CD70: variants seen among roughly 807,000 people sequenced by gnomAD.
CD70 encodes the protein CD70 molecule.
CD70 carries 6 observed loss-of-function variants against 9.0 expected under a neutral mutation model. That is an observed-to-expected ratio of 0.67 (90% CI 0.37 to 1.32). CD70 has a LOEUF of 1.32. CD70 is among the 40% of genes most tolerant of loss of function. The pLI is 0.02. For synonymous variants in CD70, 108 were observed against 112.3 expected (o/e 0.96, Z 0.24); for missense variants, 235 against 258.7 (o/e 0.91, Z 0.63).
intron 2 of CD70, 35 bp from the exon 3 acceptor site, chr19:6,586,440 A>G (rs1168628609): frequency 6.4e-7 from 1 of 1,557,780 alleles, no homozygotes; most frequent in South Asian, 1.2e-5. Context: ...GAGAGGATGG[A>G]GGTTTAGGGA....
downstream of CD70, among the ~76,000 whole-genome samples, chr19:6,582,876 C>T (rs981903878): frequency 6.6e-6 from 1 of 152,160 alleles, no homozygotes; most frequent in African/African-American, 2.4e-5. Flanking sequence ...CCAGGTCACG[C>T]TGATGTAAGT....
At chr19:6,584,402 G>A (rs1915976584), downstream of CD70, among the ~76,000 whole-genome samples, 2 of 151,908 alleles carry the variant, frequency 1.3e-5, no homozygotes, top group African/African-American at 4.8e-5. Flanking sequence ...AGACTTGGGA[G>A]GCTGAGGCAG....
Position 6,590,001 on chromosome 19 carries a change from G to T in CD70, c.196+102C>A. ...TCCCTCTCTCCCTCCGTCTCTGTCT[G>T]TGTCTCTTTCTCTCTGTCTCTCCCC... On this transcript the variant is annotated intron_variant, in intron 2 of 2. Transcript: ENST00000245903. The surrounding 1 kb of genome is among the most constrained non-coding windows in gnomAD (Gnocchi z 5.3). 1.1e-6 allele frequency: 1 copy of T among 870,264 alleles called. No homozygotes were observed. Among genetic ancestry groups the T allele is most frequent in the Non-Finnish European group, 1.8e-6 (1 of 541,552 alleles). 53.9% of individuals were successfully genotyped at this position (870,264 alleles called of 1,614,324 possible). A position where few individuals can be genotyped will look rare whatever the true frequency, so the allele number is the denominator to read the frequency against.
chr19:6,582,507 T>G (rs1432609162), downstream of CD70, among the ~76,000 whole-genome samples: 1 of 98,662 alleles, frequency 1.0e-5, no homozygotes, highest in African/African-American at 3.8e-5. Context: ...CCTCCCCCCC[T>G]CCCCCGACTC....
At chr19:6,585,483 C>G (rs1281805700), downstream of CD70, among the ~76,000 whole-genome samples, 1 of 151,084 alleles carries the variant, frequency 6.6e-6, no homozygotes, top group African/African-American at 2.4e-5. Flanking sequence ...GTAGCTTGGA[C>G]TAGCACACCA....
Position 6,590,926 on chromosome 19 carries a change from A to G in CD70, c.77T>C (p.Leu26Ser), listed in dbSNP as rs758708878. 1.2e-6 allele frequency: 2 copies of G among 1,614,010 alleles called. No homozygotes were observed. The highest frequency in any genetic ancestry group is 1.7e-5 in the Admixed American group (1 of 60,018). Residue 26 changes from leucine (L) to serine (S), a missense_variant, in exon 1 of 3, where the codon TTG becomes TCG. Coordinates refer to ENST00000245903, the MANE Select transcript of CD70 (RefSeq NM_001252.5). This position sits in a 1 kb window ranked among gnomAD's most constrained non-coding sequence, Gnocchi z 5.3. ...GAGGCAGATCACCAAGCCCGCGACC[A>G]ATGGGACCAAAGCAGCCCGCAGGAC... The part of the protein sequence containing the change: ...GCVLRAALVP[L>S]VAGLVICLVV...
At chr19:6,581,850 C>CA (rs1394501458), downstream of CD70, among the ~76,000 whole-genome samples, 2 of 152,030 alleles carry the variant, frequency 1.3e-5, no homozygotes, top group African/African-American at 4.8e-5. Flanking sequence ...GTCCACAGTC[C>CA]AAAATCTCAT....
At chr19:6,585,164 T>G (rs567467719), downstream of CD70, among the ~76,000 whole-genome samples, 21 of 151,724 alleles carry the variant, frequency 1.4e-4, no homozygotes, top group South Asian at 4.4e-3. Context: ...TTTTTGTATT[T>G]TTAGTAGACG....
downstream of CD70, among the ~76,000 whole-genome samples, chr19:6,585,073 G>A (rs984461949): frequency 3.3e-5 from 5 of 152,144 alleles, no homozygotes; most frequent in African/African-American, 7.2e-5. Context: ...TGAAACTTCC[G>A]CCTCCCAGGT....
In CD70 at chr19:6,590,985, C is replaced by A; in HGVS notation, c.18G>T (p.Ser6=). The A allele has an allele frequency of 1.9e-6, 3 of 1,603,754 alleles. No individual in the cohort carries two copies. Among genetic ancestry groups the A allele is most frequent in the Non-Finnish European group, 2.6e-6 (3 of 1,174,402 alleles). The change falls in exon 1 of 3, where the codon TCG becomes TCT. Residue 6 remains serine, a synonymous_variant. Transcript: ENST00000245903. This position sits in a 1 kb window ranked among gnomAD's most constrained non-coding sequence, Gnocchi z 5.3. MPEEG[S]GCSVRRRPYG... is the part of the protein sequence containing the mutation. ...AGGGCCTGCGCCGCACCGAGCAGCC[C>A]GAACCCTCCTCCGGCATCGCCGCGG...
At chr19:6,584,829 G>T (rs1280220878), downstream of CD70, among the ~76,000 whole-genome samples, 2 of 151,992 alleles carry the variant, frequency 1.3e-5, no homozygotes, top group Non-Finnish European at 2.9e-5. Flanking sequence ...TCATGCCACC[G>T]CACTGCAGCC....
At chr19:6,585,311 C>G, downstream of CD70, among the ~76,000 whole-genome samples, 1 of 151,698 alleles carries the variant, frequency 6.6e-6, no homozygotes, top group East Asian at 1.9e-4. Flanking sequence ...TGTGTTTCCT[C>G]TCTTGTCAAA....
At chr19:6,586,969 G>T (rs539868838) in intron 2 of CD70, among the ~76,000 whole-genome samples, 93 of 149,876 alleles carry the variant, frequency 6.2e-4, no homozygotes, top group Non-Finnish European at 5.3e-4. Flanking sequence ...GAGATATATA[G>T]AGAGAGAATG....
intron 2 of CD70, among the ~76,000 whole-genome samples, chr19:6,587,186 T>C (rs1224681179): frequency 2.7e-5 from 1 of 37,648 alleles, no homozygotes; most frequent in Non-Finnish European, 5.5e-5. Flanking sequence ...GAGAGAGAGA[T>C]CATGAGGGAG....
rs757012345 is a variant in CD70 at position 6,586,303 on chromosome 19, C to T, written c.299G>A (p.Arg100His). 5.6e-6 allele frequency: 9 copies of T among 1,613,622 alleles called. No individual in the cohort carries two copies. The highest frequency in any genetic ancestry group is 1.7e-4 in the Middle Eastern group (1 of 5,796). ...GATGTGTACCATGTAGATGCCATCA[C>T]GATGGATACGTAGCTGCCCCTTGTC... ...ELDKGQLRIHRDGIYMVHIQV... is the reference protein window; with the variant it reads ...ELDKGQLRIHHDGIYMVHIQV... The change falls in exon 3 of 3, where the codon CGT becomes CAT. Residue 100 changes from arginine (R) to histidine (H), a missense_variant. Arg to His is a conservative substitution (Grantham distance 29, BLOSUM62 0). Transcript: ENST00000245903.
Position 6,590,283 on chromosome 19 carries a change from T to A in CD70, c.163-147A>T, listed in dbSNP as rs557972007. 14 of 653,732 alleles carry A rather than the reference T, an allele frequency of 2.1e-5. No homozygotes were observed. In the African/African-American group the frequency reaches 2.6e-4, roughly 12 times the overall value. The allele number at this position is 653,732 out of a possible 1,614,324, so 40.5% of individuals were successfully genotyped here. ...ACTGGTGATTTTATTTCATTTTATTTTTTTTTACTCTTAAGACTTCTTAAA... is the reference window on the plus strand; with the variant it reads ...ACTGGTGATTTTATTTCATTTTATTATTTTTTACTCTTAAGACTTCTTAAA... On this transcript the variant is annotated intron_variant, in intron 1 of 2. Coordinates refer to ENST00000245903, the MANE Select transcript of CD70 (RefSeq NM_001252.5). The surrounding 1 kb of genome is among the most constrained non-coding windows in gnomAD (Gnocchi z 5.3).
At chr19:6,585,443 T>G (rs544263803), downstream of CD70, among the ~76,000 whole-genome samples, 24 of 150,874 alleles carry the variant, frequency 1.6e-4, no homozygotes, top group Admixed American at 1.5e-3. Context: ...CCTCCTGGGC[T>G]CTACCCAATC....
At chr19:6,589,974 C>T in intron 2 of CD70, 129 bp downstream of exon 2, 2 of 724,088 alleles carry the variant, frequency 2.8e-6, no homozygotes, top group Admixed American at 2.2e-5. Context: ...CCTATCTCTC[C>T]CTCCCTCTCT....
chr19:6,582,966 C>A (rs1295063800), downstream of CD70, among the ~76,000 whole-genome samples: 2 of 152,182 alleles, frequency 1.3e-5, no homozygotes, highest in African/African-American at 4.8e-5. Flanking sequence ...CTTTCACAGG[C>A]TGGCGTCGAG....
Sources: gnomAD v4.1 joint callset for allele counts (sites outside exome capture counted in the v4.1 genomes callset) on GRCh38, gnomAD v4.1.1 for gene constraint, Gnocchi (gnomAD v3.1) non-coding constraint, MANE v1.5 for transcripts, NCBI Gene and HGNC (gene_info 2026-07-23, HGNC 2026-07-21) for gene names.